The following TNRC6B variants were observed in gnomAD, a reference collection of about 807,000 sequenced individuals.
TNRC6B encodes the protein trinucleotide repeat-containing gene 6B protein.
A neutral mutation model predicts 203.6 loss-of-function variants in TNRC6B; 52 were observed. The observed-to-expected ratio is 0.26, with a 90% confidence interval of 0.20 to 0.32. TNRC6B has a LOEUF of 0.32. TNRC6B is among the 10% of genes least tolerant of loss of function. The pLI is 1.00. For synonymous variants in TNRC6B, 838 were observed against 845.7 expected (o/e 0.99, Z 0.16); for missense variants, 1,923 against 2,286.2 (o/e 0.84, Z 3.24).
intron 12 of TNRC6B, among the ~76,000 whole-genome samples, chr22:40,291,011 A>T (rs2070863027): frequency 6.6e-6 from 1 of 152,154 alleles, no homozygotes; most frequent in Admixed American, 6.5e-5. Context: ...GCATACTGGG[A>T]GCAGAATATT....
At chr22:40,136,382 T>C (rs940716862) in intron 3 of TNRC6B, among the ~76,000 whole-genome samples, 14 of 144,728 alleles carry the variant, frequency 9.7e-5, no homozygotes, top group Non-Finnish European at 2.0e-4. Context: ...TGTGTGTGTG[T>C]GTGTGTGTGT....
At chr22:40,262,866 T>C (rs955738963) in intron 4 of TNRC6B, among the ~76,000 whole-genome samples, 3 of 151,966 alleles carry the variant, frequency 2.0e-5, no homozygotes, top group African/African-American at 7.3e-5. Flanking sequence ...GGTGAAACCC[T>C]GTCTCTACTA....
chr22:40,159,905 G>A (rs1383539280), intron 4 of TNRC6B, among the ~76,000 whole-genome samples: 2 of 151,728 alleles, frequency 1.3e-5, no homozygotes, highest in Admixed American at 6.6e-5. Flanking sequence ...TTGAATTCCT[G>A]GGCTCATGGG....
chr22:40,276,812 A>G (rs1019831366), intron 7 of TNRC6B: 4 of 296,256 alleles, frequency 1.4e-5, no homozygotes, highest in East Asian at 1.1e-4. Context: ...ACTTCTTTCT[A>G]TTTGAAAAGC....
intron 15 of TNRC6B, 29 bp from the exon 16 acceptor site, chr22:40,308,483 C>T (rs756371724): frequency 8.1e-6 from 13 of 1,613,558 alleles, no homozygotes; most frequent in Non-Finnish European, 5.1e-6. Flanking sequence ...ATGCTGGAGA[C>T]TTATAAAATG....
chr22:40,145,730 T>C (rs2068688718), intron 3 of TNRC6B, among the ~76,000 whole-genome samples: 1 of 152,032 alleles, frequency 6.6e-6, no homozygotes, highest in Non-Finnish European at 1.5e-5. Context: ...TAGTCCCAGC[T>C]ACTTGGGAGG....
chr22:40,315,892 C>T (rs2071250797), intron 20 of TNRC6B, 50 bp from the exon 21 acceptor site: 1 of 1,434,468 alleles, frequency 7.0e-7, no homozygotes, highest in South Asian at 1.2e-5. Context: ...CATGGCTTTT[C>T]TTGTTTTTGT....
intron 3 of TNRC6B, among the ~76,000 whole-genome samples, chr22:40,149,323 G>A (rs1016139016): frequency 6.6e-6 from 1 of 152,144 alleles, no homozygotes; most frequent in African/African-American, 2.4e-5. Flanking sequence ...TGCATCTATA[G>A]TGATAGAAAG....
chr22:40,248,037 T>C (rs1454302542), intron 2 of TNRC6B, among the ~76,000 whole-genome samples: 2 of 150,740 alleles, frequency 1.3e-5, no homozygotes, highest in African/African-American at 2.5e-5. Context: ...ATTGCACCAC[T>C]GCACCCCAGC....
intron 4 of TNRC6B, among the ~76,000 whole-genome samples, chr22:40,157,249 A>G (rs2068825848): frequency 6.6e-6 from 1 of 152,144 alleles, no homozygotes; most frequent in Admixed American, 6.6e-5. Flanking sequence ...TAAAGTACTG[A>G]CATAACTACT....
At chr22:40,257,808 A>G (rs2070304316) in intron 3 of TNRC6B, among the ~76,000 whole-genome samples, 1 of 152,182 alleles carries the variant, frequency 6.6e-6, no homozygotes, top group Non-Finnish European at 1.5e-5. Flanking sequence ...AGATCACCTG[A>G]AGTCAGGAGT....
In TNRC6B at chr22:40,132,967, A is replaced by ATATATATAT. The variant is rs1263879588; in HGVS notation, c.45+7105_45+7106insTATATATAT. ...TCAAAAAAAAAAAAAAAAAAAAAAAAAAATATATATATATATATATATATT... is the reference window on the plus strand; with the variant it reads ...TCAAAAAAAAAAAAAAAAAAAAAAAATATATATATAAATATATATATATATATATATATT... On this transcript the variant is annotated intron_variant, in intron 3 of 23. Transcript: ENST00000301923. Among the ~76,000 whole-genome samples, 81 of 66,410 alleles carry ATATATATAT rather than the reference A, an allele frequency of 1.2e-3. 1 individual carries two copies. Among genetic ancestry groups the ATATATATAT allele is most frequent in the African/African-American group, 1.7e-3 (33 of 19,082 alleles). The allele number at this position is 66,410 out of a possible 152,430, so 43.6% of individuals were successfully genotyped here.
intron 3 of TNRC6B, among the ~76,000 whole-genome samples, chr22:40,260,663 G>A (rs1441866496): frequency 1.3e-5 from 2 of 152,124 alleles, no homozygotes; most frequent in Non-Finnish European, 2.9e-5. Context: ...GAAGGGAAGG[G>A]ACCCTTGGAC....
At chr22:40,275,307 A>G (rs1364105300) in intron 7 of TNRC6B, among the ~76,000 whole-genome samples, 1 of 152,204 alleles carries the variant, frequency 6.6e-6, no homozygotes, top group Non-Finnish European at 1.5e-5. Context: ...ACAAATTAAC[A>G]ATGAGACTAA....
intron 3 of TNRC6B, among the ~76,000 whole-genome samples, chr22:40,259,398 A>G (rs1362573356): frequency 6.6e-6 from 1 of 151,974 alleles, no homozygotes; most frequent in African/African-American, 2.4e-5. Context: ...TAATTTTTGT[A>G]TTTTTAGTAG....
chr22:40,291,753 C>T (rs5757906), intron 12 of TNRC6B, among the ~76,000 whole-genome samples: 110,347 of 152,162 alleles, frequency 0.73, 40,762 homozygotes, highest in East Asian at 0.99. Flanking sequence ...TACATAAACC[C>T]TTGCCCACAT....
chr22:40,273,288 A>G (rs1428972956), intron 6 of TNRC6B, 137 bp from the exon 7 acceptor site: 5 of 766,158 alleles, frequency 6.5e-6, no homozygotes, highest in Non-Finnish European at 9.8e-6. Context: ...AAAAATGAGT[A>G]ATAATATTTG....
chr22:40,270,064 G>A, intron 5 of TNRC6B, 58 bp from the exon 6 acceptor site: 1 of 1,527,828 alleles, frequency 6.5e-7, no homozygotes, highest in Non-Finnish European at 8.9e-7. Flanking sequence ...TCACCCCACT[G>A]GATATTATGG....
chr22:40,085,862 G>C (rs1345425764), intron 1 of TNRC6B, among the ~76,000 whole-genome samples: 1 of 151,862 alleles, frequency 6.6e-6, no homozygotes, highest in African/African-American at 2.4e-5. Flanking sequence ...TGTTGTTGTT[G>C]TTGTTGTTGT....
Sources: gnomAD v4.1 joint callset for allele counts (sites outside exome capture counted in the v4.1 genomes callset) on GRCh38, gnomAD v4.1.1 for gene constraint, MANE v1.5 for transcripts, NCBI Gene and HGNC (gene_info 2026-07-23, HGNC 2026-07-21) for gene names.